ECD: variants seen among roughly 807,000 people sequenced by gnomAD.
ECD encodes the protein protein ecdysoneless homolog.
A neutral mutation model predicts 77.2 loss-of-function variants in ECD; 59 were observed. The ratio of observed to expected loss-of-function variants is 0.76; its 90% confidence interval spans 0.62 to 0.95. The LOEUF is 0.95. Ranked by LOEUF, ECD falls within the 40% of genes least tolerant of loss-of-function variation. ECD has a pLI of 0.00. For missense variants in ECD, 704 were observed against 763.4 expected (o/e 0.92, Z 0.92); for synonymous variants, 233 against 267.4 (o/e 0.87, Z 1.26).
At chr10:73,136,974 TTATTA>T in intron 12 of ECD, 56 bp from the exon 13 acceptor site, 1 of 937,588 alleles carries the variant, frequency 1.1e-6, no homozygotes, top group Non-Finnish European at 1.4e-6. Flanking sequence ...ATTATTATTA[TTATTA>T]TTATTATTTA....
chr10:73,136,983 TTA>T (rs376544662), intron 12 of ECD, 65 bp from the exon 13 acceptor site: 56,707 of 787,994 alleles, frequency 0.072, 3,880 homozygotes, highest in East Asian at 0.28. Flanking sequence ...ATTATTATTA[TTA>T]TTTAGTTACT....
chr10:73,157,946 A>ATTATT lies in ECD; in HGVS notation c.324-1296_324-1292dup, dbSNP rs113656136. 4.3e-3 allele frequency among the ~76,000 whole-genome samples: 651 copies of ATTATT among 150,178 alleles called. 5 individuals carry two copies. Among genetic ancestry groups the ATTATT allele is most frequent in the African/African-American group, 0.012 (475 of 40,456 alleles). ...GTTCTAGCTCTATACTTCTATTTTT[A>ATTATT]TTATTTTATTTTATTTTATTTTATT... On this transcript the variant is annotated intron_variant, in intron 3 of 13. Coordinates refer to ENST00000372979, the MANE Select transcript of ECD (RefSeq NM_007265.3).
At chr10:73,160,586 T>C in intron 2 of ECD, 35 bp from the exon 3 acceptor site, 1 of 1,466,680 alleles carries the variant, frequency 6.8e-7, no homozygotes, top group Non-Finnish European at 9.4e-7. Flanking sequence ...TGTAACCAGA[T>C]AAATTTGTTA....
At chr10:73,167,172 C>T (rs1379670018) in intron 1 of ECD, among the ~76,000 whole-genome samples, 17 of 152,110 alleles carry the variant, frequency 1.1e-4, no homozygotes. Context: ...TGTTTTTATG[C>T]CAGTGCCATG....
At chr10:73,165,335 CT>C (rs1843440338) in intron 1 of ECD, among the ~76,000 whole-genome samples, 1 of 151,758 alleles carries the variant, frequency 6.6e-6, no homozygotes, top group Non-Finnish European at 1.5e-5. Flanking sequence ...TCTTTCTTTT[CT>C]TTTTTTCTTT....
At chr10:73,143,038 T>C (rs867718837) in intron 9 of ECD, among the ~76,000 whole-genome samples, 1 of 152,206 alleles carries the variant, frequency 6.6e-6, no homozygotes, top group Non-Finnish European at 1.5e-5. Context: ...TACATTAGCA[T>C]GTAAGCTCTA....
At chr10:73,140,877 A>C (rs1024300233) in intron 9 of ECD, among the ~76,000 whole-genome samples, 105 of 151,570 alleles carry the variant, frequency 6.9e-4, no homozygotes, top group African/African-American at 2.5e-3. Flanking sequence ...CAGTTGTATT[A>C]TGTTAATAGT....
chr10:73,144,110 T>C (rs557925221), intron 9 of ECD, among the ~76,000 whole-genome samples: 103 of 152,214 alleles, frequency 6.8e-4, no homozygotes, highest in Non-Finnish European at 1.0e-3. Flanking sequence ...AGCACTGAGG[T>C]TGAAAAATCC....
intron 1 of ECD, among the ~76,000 whole-genome samples, chr10:73,166,485 G>C (rs1843466171): frequency 6.6e-6 from 1 of 152,148 alleles, no homozygotes; most frequent in East Asian, 1.9e-4. Flanking sequence ...GTTATTGCCT[G>C]TCTTATGGAT....
In ECD at chr10:73,154,357, C is replaced by A. The variant is rs1211288138; in HGVS notation, c.682G>T (p.Val228Leu). ...VAVLKQRPRL[V>L]AAAVQAFYLR... ...TAAAATGCCTGGACTGCTGCAGCCA[C>A]CAATCTGGGGCGCTGCTTTAGCACT... Residue 228 changes from valine to leucine, a missense_variant, in exon 6 of 14, where the codon GTG becomes TTG. By Grantham distance (32) the Val-to-Leu change is conservative. Coordinates refer to ENST00000372979, the MANE Select transcript of ECD (RefSeq NM_007265.3). 5.0e-6 allele frequency: 8 copies of A among 1,614,012 alleles called. No individual in the cohort carries two copies. Among genetic ancestry groups the A allele is most frequent in the Non-Finnish European group, 6.8e-6 (8 of 1,180,038 alleles).
At chr10:73,161,388 T>C (rs559128154) in intron 2 of ECD, among the ~76,000 whole-genome samples, 147 of 152,190 alleles carry the variant, frequency 9.7e-4, no homozygotes, top group African/African-American at 3.4e-3. Flanking sequence ...GTACAACTTA[T>C]GTCATAGAAA....
intron 2 of ECD, among the ~76,000 whole-genome samples, chr10:73,160,846 G>A (rs942725839): frequency 6.6e-6 from 1 of 152,206 alleles, no homozygotes; most frequent in Admixed American, 6.5e-5. Context: ...GACAAGAGGT[G>A]AGCTTTCCAG....
intron 3 of ECD, 133 bp downstream of exon 3, chr10:73,160,301 G>T (rs1362220636): frequency 6.3e-6 from 3 of 476,842 alleles, no homozygotes; most frequent in African/African-American, 2.1e-5. Context: ...AAAAAAAAGA[G>T]CACAGATACT....
intron 3 of ECD, among the ~76,000 whole-genome samples, chr10:73,156,881 T>G (rs72812279): frequency 6.6e-6 from 1 of 152,104 alleles, no homozygotes; most frequent in Non-Finnish European, 1.5e-5. Context: ...GGAGAGAAGA[T>G]AAGCAATTTA....
chr10:73,159,112 T>C (rs1252785887), intron 3 of ECD, among the ~76,000 whole-genome samples: 1 of 152,168 alleles, frequency 6.6e-6, no homozygotes, highest in Non-Finnish European at 1.5e-5. Flanking sequence ...AAATAATAAG[T>C]TTTCAAAGGT....
intron 2 of ECD, among the ~76,000 whole-genome samples, chr10:73,162,203 G>A (rs1843388968): frequency 6.6e-6 from 1 of 152,196 alleles, no homozygotes; most frequent in African/African-American, 2.4e-5. Context: ...AGAAAGACAG[G>A]AACCAGAGAG....
Position 73,162,190 on chromosome 10 carries a change from A to C in ECD, c.205+1543T>G, listed in dbSNP as rs190224761. Among the ~76,000 whole-genome samples, 402 of 152,354 alleles carry C rather than the reference A, an allele frequency of 2.6e-3. 1 individual carries two copies. Among genetic ancestry groups the C allele is most frequent in the African/African-American group, 9.2e-3 (383 of 41,582 alleles). Reference sequence around the variant, plus strand: ...AACATAACCAGCAACAGTGTTAGGAACTAGAAAGACAGGAACCAGAGAGGT... The same window carrying C: ...AACATAACCAGCAACAGTGTTAGGACCTAGAAAGACAGGAACCAGAGAGGT... On this transcript the variant is annotated intron_variant, in intron 2 of 13. Transcript: ENST00000372979.
chr10:73,163,172 T>G (rs567895131), intron 2 of ECD, among the ~76,000 whole-genome samples: 1 of 152,220 alleles, frequency 6.6e-6, no homozygotes, highest in African/African-American at 2.4e-5. Context: ...CAGGACAGAG[T>G]GCCATATTTT....
In ECD at chr10:73,134,670, T is replaced by A; in HGVS notation, c.1848A>T (p.Gly616=). The A allele has an allele frequency of 6.2e-7, 1 of 1,614,194 alleles. No homozygotes were observed. The highest frequency in any genetic ancestry group is 8.5e-7 in the Non-Finnish European group (1 of 1,180,026). Residue 616 remains glycine, a synonymous_variant, in exon 14 of 14, where the codon GGA becomes GGT. Transcript: ENST00000372979. ...ESYSSQAGLA[G]PASNLLQSMG... is the part of the protein sequence containing the mutation. ...TGCTTTGTAAAAGATTGGAAGCAGG[T>A]CCTGCCAGTCCAGCTTGGGAGCTAT...
Sources: gnomAD v4.1 joint callset for allele counts (sites outside exome capture counted in the v4.1 genomes callset) on GRCh38, gnomAD v4.1.1 for gene constraint, MANE v1.5 for transcripts, NCBI Gene and HGNC (gene_info 2026-07-23, HGNC 2026-07-21) for gene names.